The following IPMK variants were observed in gnomAD, a reference collection of about 807,000 sequenced individuals.
IPMK encodes inositol polyphosphate multikinase, also known as inositol 1,3,4,6-tetrakisphosphate 5-kinase.
A neutral mutation model predicts 45.8 loss-of-function variants in IPMK; 17 were observed. That is an observed-to-expected ratio of 0.37 (90% CI 0.25 to 0.56). The LOEUF (loss-of-function observed/expected upper bound fraction) is 0.56, where lower values mean the gene tolerates loss of function less well. Among genes scored for constraint, IPMK ranks in the 20% least tolerant of loss-of-function variants. The pLI is 0.79. For synonymous variants in IPMK, 180 were observed against 184.3 expected, an observed-to-expected ratio of 0.98 and a Z score of 0.19; for missense variants, 399 against 498.0, an observed-to-expected ratio of 0.80 and a Z score of 1.89.
At position 58,238,736 on chromosome 10, in the gene IPMK, T is replaced by C. The variant is rs1395216689; in HGVS notation, c.191-922A>G. 5.3e-5 allele frequency among the ~76,000 whole-genome samples: 8 copies of C among 152,316 alleles called. No homozygotes were observed. The East Asian group carries it at 9.6e-4, about 18-fold the overall frequency. On this transcript the variant is annotated intron_variant, in intron 1 of 5. Coordinates refer to ENST00000373935, the MANE Select transcript of IPMK (RefSeq NM_152230.5). ...ACACATGAGCATGAAAATTCAATCA[T>C]TGTGCTTATGAACTACAAAAGGATC... is the stretch of plus-strand genomic sequence containing the variant.
intron 1 of IPMK, among the ~76,000 whole-genome samples, chr10:58,251,358 A>G (rs1420791548): frequency 6.6e-6 from 1 of 152,018 alleles, no homozygotes; most frequent in East Asian, 1.9e-4. Flanking sequence ...AGGATAGTTG[A>G]TATTATTTTT....
intron 4 of IPMK, among the ~76,000 whole-genome samples, chr10:58,200,451 G>A (rs1212885397): frequency 6.6e-6 from 1 of 151,896 alleles, no homozygotes; most frequent in Non-Finnish European, 1.5e-5. Context: ...AGCCAACTCT[G>A]AAGTTCACAT....
intron 1 of IPMK, among the ~76,000 whole-genome samples, chr10:58,242,721 T>C (rs187881306): frequency 6.6e-6 from 1 of 152,180 alleles, no homozygotes; most frequent in Non-Finnish European, 1.5e-5. Context: ...GCATCCCAGA[T>C]CTATAGAATA....
At chr10:58,201,844 A>G (rs1198367030) in intron 4 of IPMK, among the ~76,000 whole-genome samples, 2 of 152,182 alleles carry the variant, frequency 1.3e-5, no homozygotes, top group East Asian at 3.9e-4. Context: ...AAACACACAA[A>G]TGATAAGAAA....
intron 2 of IPMK, among the ~76,000 whole-genome samples, chr10:58,228,907 C>A (rs1324922719): frequency 6.6e-6 from 1 of 152,108 alleles, no homozygotes; most frequent in Non-Finnish European, 1.5e-5. Flanking sequence ...GTTTTGCATG[C>A]CTATGAAACA....
rs1260280923 is a variant in IPMK, at chr10:58,250,457, CT to C, written c.191-12644del. 2.6e-5 allele frequency among the ~76,000 whole-genome samples: 4 copies of C among 151,810 alleles called. No homozygotes were observed. In the South Asian group the frequency reaches 8.3e-4, roughly 32 times the overall value. On this transcript the variant is annotated intron_variant, in intron 1 of 5. Transcript: ENST00000373935. ...TTGTTAACTATTGTAAATGAGATTG[CT>C]TTTTTAGTTTCTTTTTCAGATTGTT...
chr10:58,222,207 A>C (rs1406154372), intron 3 of IPMK, among the ~76,000 whole-genome samples: 2 of 152,204 alleles, frequency 1.3e-5, no homozygotes, highest in Admixed American at 6.5e-5. Flanking sequence ...TCTATCTGGA[A>C]TAGTTTAAGT....
chr10:58,229,590 A>C (rs1838478547), intron 2 of IPMK, among the ~76,000 whole-genome samples: 1 of 150,856 alleles, frequency 6.6e-6, no homozygotes, highest in African/African-American at 2.4e-5. Context: ...AGTAATCTAA[A>C]TATATTGTAC....
chr10:58,223,012 G>A (rs1451783174), intron 3 of IPMK, among the ~76,000 whole-genome samples: 1 of 152,132 alleles, frequency 6.6e-6, no homozygotes, highest in East Asian at 1.9e-4. Flanking sequence ...GGCGGAAGGT[G>A]GGTGAGGGAT....
At chr10:58,222,469 G>A (rs997204104) in intron 3 of IPMK, among the ~76,000 whole-genome samples, 2 of 152,162 alleles carry the variant, frequency 1.3e-5, no homozygotes, top group African/African-American at 4.8e-5. Flanking sequence ...CTTATGAAGT[G>A]AGTCCTGCAG....
chr10:58,262,243 T>C (rs945586661), intron 1 of IPMK, among the ~76,000 whole-genome samples: 17 of 151,996 alleles, frequency 1.1e-4, no homozygotes, highest in African/African-American at 4.1e-4. Flanking sequence ...TAAAGTATAA[T>C]AAATAAATAA....
intron 1 of IPMK, among the ~76,000 whole-genome samples, chr10:58,247,565 AAAC>A (rs1330442584): frequency 3.3e-5 from 5 of 152,092 alleles, no homozygotes; most frequent in African/African-American, 1.2e-4. Context: ...ACAAAAAACC[AAAC>A]ACCACATATT....
intron 5 of IPMK, among the ~76,000 whole-genome samples, chr10:58,198,585 C>A (rs1208474621): frequency 1.3e-5 from 2 of 152,100 alleles, no homozygotes; most frequent in African/African-American, 2.4e-5. Context: ...AATAAGAATT[C>A]TTCTACAAAC....
intron 2 of IPMK, among the ~76,000 whole-genome samples, chr10:58,234,384 T>A (rs1005398133): frequency 1.3e-5 from 2 of 152,070 alleles, no homozygotes; most frequent in African/African-American, 4.8e-5. Flanking sequence ...AGAAAAAAAC[T>A]GGGGCCATTA....
chr10:58,245,170 C>CCCAGTGAGCTG (rs1343329794), intron 1 of IPMK, among the ~76,000 whole-genome samples: 1 of 151,620 alleles, frequency 6.6e-6, no homozygotes, highest in African/African-American at 2.4e-5. Context: ...TGAAATAAGC[C>CCCAGTGAGCTG]AGTGTAACAA....
At chr10:58,245,035 C>G (rs544167293) in intron 1 of IPMK, among the ~76,000 whole-genome samples, 2 of 125,610 alleles carry the variant, frequency 1.6e-5, no homozygotes, top group East Asian at 2.5e-4. Flanking sequence ...CAAGAATGAT[C>G]AATAAATACT....
chr10:58,228,714 T>C (rs189060734), intron 2 of IPMK, among the ~76,000 whole-genome samples: 171 of 152,306 alleles, frequency 1.1e-3, no homozygotes, highest in African/African-American at 4.1e-3. Flanking sequence ...TTTATATTTT[T>C]AGTAGAGACG....
At chr10:58,206,149 A>T (rs1431556877) in intron 4 of IPMK, among the ~76,000 whole-genome samples, 1 of 152,238 alleles carries the variant, frequency 6.6e-6, no homozygotes, top group Non-Finnish European at 1.5e-5. Flanking sequence ...ATATGACAAC[A>T]TGGGTGAACT....
At chr10:58,240,563 T>C (rs1838681769) in intron 1 of IPMK, among the ~76,000 whole-genome samples, 2 of 149,860 alleles carry the variant, frequency 1.3e-5, no homozygotes, top group Admixed American at 1.3e-4. Context: ...AAGAAAAAGC[T>C]AGATAATCTA....
Sources: gnomAD v4.1 joint callset for allele counts (sites outside exome capture counted in the v4.1 genomes callset) on GRCh38, gnomAD v4.1.1 for gene constraint, MANE v1.5 for transcripts, NCBI Gene and HGNC (gene_info 2026-07-23, HGNC 2026-07-21) for gene names.